FBXO31: variants seen among roughly 807,000 people sequenced by gnomAD.
FBXO31 encodes the protein F-box protein 31, also known as F-box only protein 31.
Under a neutral mutation model 54.4 loss-of-function variants are expected in FBXO31, and 24 were observed. The observed-to-expected ratio is 0.44, with a 90% CI of 0.32 to 0.62. The LOEUF is 0.62. Ranked by LOEUF, FBXO31 falls within the 20% of genes least tolerant of loss-of-function variation. FBXO31 has a pLI of 0.05. For synonymous variants in FBXO31, 388 were observed against 335.6 expected (o/e 1.16, Z -1.71); for missense variants, 665 against 787.1 (o/e 0.84, Z 1.86).
At chr16:87,376,978 G>C (rs1173684455) in intron 1 of FBXO31, among the ~76,000 whole-genome samples, 1 of 152,224 alleles carries the variant, frequency 6.6e-6, no homozygotes, top group Non-Finnish European at 1.5e-5. Context: ...TAAGACACCT[G>C]TAATACCACA....
At chr16:87,392,115 C>G (rs902392161), upstream of FBXO31, 2 of 286,874 alleles carry the variant, frequency 7.0e-6, no homozygotes, top group East Asian at 6.3e-5. Flanking sequence ...CGGTGCTGGG[C>G]GGGGCTGGGG....
Position 87,346,837 on chromosome 16 carries a change from G to A in FBXO31, c.489+337C>T, listed in dbSNP as rs896764818. ...CTGGAACATGGGGGGCAAAGACCAGGAACGGAAGGACCTGGCTGAGGGCGG... is the reference window on the plus strand; with the variant it reads ...CTGGAACATGGGGGGCAAAGACCAGAAACGGAAGGACCTGGCTGAGGGCGG... On this transcript the variant is annotated intron_variant, in intron 3 of 8. Transcript: ENST00000311635. The surrounding 1 kb of genome is among the most constrained non-coding windows in gnomAD (Gnocchi z 4.2). Among the ~76,000 whole-genome samples, 3 of 152,184 alleles carry A rather than the reference G, an allele frequency of 2.0e-5. No individual in the cohort carries two copies. Among genetic ancestry groups the A allele is most frequent in the African/African-American group, 7.2e-5 (3 of 41,452 alleles).
intron 5 of FBXO31, among the ~76,000 whole-genome samples, chr16:87,337,738 G>A (rs553323340): frequency 6.6e-6 from 1 of 151,784 alleles, no homozygotes; most frequent in Non-Finnish European, 1.5e-5. Flanking sequence ...CCACGACCCC[G>A]CCTTATGCCA....
chr16:87,379,653 T>C (rs1906986498), intron 1 of FBXO31, among the ~76,000 whole-genome samples: 1 of 152,098 alleles, frequency 6.6e-6, no homozygotes, highest in Non-Finnish European at 1.5e-5. Context: ...TGAGTACTCA[T>C]TTCATCCATC....
intron 2 of FBXO31, among the ~76,000 whole-genome samples, chr16:87,356,922 C>G (rs1905916576): frequency 6.6e-6 from 1 of 152,082 alleles, no homozygotes; most frequent in African/African-American, 2.4e-5. Flanking sequence ...TTCATTGTCT[C>G]CATCACCACT....
Position 87,346,509 on chromosome 16 carries a change from G to C in FBXO31, c.489+665C>G, listed in dbSNP as rs539600198. Among the ~76,000 whole-genome samples, 144 of 152,352 alleles carry C rather than the reference G, an allele frequency of 9.5e-4. 1 individual carries two copies. The highest frequency in any genetic ancestry group is 3.3e-3 in the African/African-American group (137 of 41,568). On this transcript the variant is annotated intron_variant, in intron 3 of 8. Coordinates refer to ENST00000311635, the MANE Select transcript of FBXO31 (RefSeq NM_024735.5). The surrounding 1 kb of genome is among the most constrained non-coding windows in gnomAD (Gnocchi z 4.2). The stretch of plus-strand genomic sequence containing the variant: ...ATGATCAAGTACCCAGGACTAGACA[G>C]GCACTGCCATGGCAGACCCAACGAA...
Position 87,380,165 on chromosome 16 carries a change from G to A in FBXO31, c.340+3240C>T, listed in dbSNP as rs868259529. On this transcript the variant is annotated intron_variant, in intron 1 of 8. Coordinates refer to ENST00000311635, the MANE Select transcript of FBXO31 (RefSeq NM_024735.5). Reference sequence around the variant, plus strand: ...ATACAAAAATTAGCCGGGCATAGTGGCGGGCGCCTGTAGTCCCAGCTACTT... The same window carrying A: ...ATACAAAAATTAGCCGGGCATAGTGACGGGCGCCTGTAGTCCCAGCTACTT... 2.8e-4 allele frequency among the ~76,000 whole-genome samples: 42 copies of A among 151,138 alleles called. 1 individual carries two copies. The Middle Eastern group carries it at 0.021, about 74-fold the overall frequency.
upstream of FBXO31, among the ~76,000 whole-genome samples, chr16:87,384,809 G>C (rs72806232): frequency 2.1e-3 from 316 of 152,258 alleles, 2 homozygotes; most frequent in Non-Finnish European, 3.8e-3. Context: ...GTAGTGACCC[G>C]TGATGGTGCC....
At position 87,327,021 on chromosome 16, in the gene FBXO31, G is replaced by A. The variant is rs3748395; in HGVS notation, c.*4267C>T. ...AAACGGATTTACTTGAAACTGTGAG[G>A]AGAAACAAGTGCACGGGTGCAGGTG... On this transcript the variant is annotated 3_prime_UTR_variant, in exon 9 of 9. Transcript: ENST00000311635. 0.15 allele frequency: 22,831 copies of A among 152,364 alleles called. 2,131 individuals are homozygous for A. The highest frequency in any genetic ancestry group is 0.35 in the South Asian group (1,708 of 4,838). 9.4% of individuals were successfully genotyped at this position (152,364 alleles called of 1,614,324 possible).
chr16:87,373,740 G>A (rs899006045), intron 1 of FBXO31, among the ~76,000 whole-genome samples: 2 of 152,050 alleles, frequency 1.3e-5, no homozygotes, highest in African/African-American at 2.4e-5. Flanking sequence ...ACTTCTTCCC[G>A]AGATGACCCC....
In FBXO31 at chr16:87,338,472, A is replaced by G. The variant is rs34400756; in HGVS notation, c.733-2208T>C. 0.39 allele frequency among the ~76,000 whole-genome samples: 58,647 copies of G among 148,644 alleles called. 12,185 individuals carry two copies. Among genetic ancestry groups the G allele is most frequent in the African/African-American group, 0.46 (18,344 of 39,990 alleles). On this transcript the variant is annotated intron_variant, in intron 5 of 8. Transcript: ENST00000311635. The surrounding 1 kb of genome is among the most constrained non-coding windows in gnomAD (Gnocchi z 4.3). Reference sequence around the variant, plus strand: ...AAAAGCCTCAGTCTTGGGGCGGGGGAGGCGGGCCTGAAACACACAGGGGTG... The same window carrying G: ...AAAAGCCTCAGTCTTGGGGCGGGGGGGGCGGGCCTGAAACACACAGGGGTG...
intron 1 of FBXO31, among the ~76,000 whole-genome samples, chr16:87,380,573 G>C (rs878900252): frequency 6.6e-6 from 1 of 152,108 alleles, no homozygotes; most frequent in Admixed American, 6.6e-5. Context: ...ATTTTTTGTA[G>C]AGATGGGTTT....
At chr16:87,351,292 G>C (rs1905644347) in intron 2 of FBXO31, among the ~76,000 whole-genome samples, 1 of 152,226 alleles carries the variant, frequency 6.6e-6, no homozygotes, top group Non-Finnish European at 1.5e-5. Flanking sequence ...ACACGTACGA[G>C]TGTGAGCGTG....
intron 1 of FBXO31, among the ~76,000 whole-genome samples, chr16:87,364,797 G>A (rs1461484377): frequency 2.0e-5 from 3 of 151,282 alleles, no homozygotes; most frequent in Admixed American, 6.6e-5. Context: ...CAGGGCAGGC[G>A]GATTACCTGA....
intron 2 of FBXO31, among the ~76,000 whole-genome samples, chr16:87,357,703 G>A (rs1905957871): frequency 6.6e-6 from 1 of 152,170 alleles, no homozygotes; most frequent in African/African-American, 2.4e-5. Context: ...CCAGAACTCT[G>A]GGAGGCCGAG....
chr16:87,370,088 G>A (rs1324389010), intron 1 of FBXO31, among the ~76,000 whole-genome samples: 2 of 152,158 alleles, frequency 1.3e-5, no homozygotes, highest in African/African-American at 4.8e-5. Flanking sequence ...GGCCTGAATG[G>A]GGCCTGCATC....
intron 8 of FBXO31, among the ~76,000 whole-genome samples, chr16:87,333,308 C>CCACTGGCCACCAAGG (rs1904927174): frequency 6.6e-6 from 1 of 152,236 alleles, no homozygotes. Flanking sequence ...GGTGTCCACT[C>CCACTGGCCACCAAGG]CACTGGCCAC....
chr16:87,360,306 A>T lies in FBXO31; in HGVS notation c.401T>A (p.Val134Asp). The T allele has an allele frequency of 6.2e-7, 1 of 1,614,180 alleles. No individual in the cohort carries two copies. The highest frequency in any genetic ancestry group is 1.1e-5 in the South Asian group (1 of 91,086). ...ATAGATTCACTCACGCTTCGCATAG[A>T]CGTCCCGACAAGACACGCCTGTGAT... ...LEITGVSCRD[V>D]YAKLLHRYRH... The change falls in exon 2 of 9, where the codon GTC becomes GAC. Residue 134 changes from valine (V) to aspartate (D), a missense_variant. Around this residue, in one of 4 missense-constraint regions of FBXO31, gnomAD observed 234 missense variants for 346.8 expected, o/e 0.67. Transcript: ENST00000311635.
intron 2 of FBXO31, 51 bp from the exon 3 acceptor site, chr16:87,347,301 A>T: frequency 6.6e-7 from 1 of 1,524,454 alleles, no homozygotes; most frequent in Non-Finnish European, 9.1e-7. Context: ...AGCGTGCCGC[A>T]GGGAGCCCAG....
Sources: allele counts gnomAD v4.1 joint callset (sites outside exome capture counted in the v4.1 genomes callset), GRCh38; gene constraint gnomAD v4.1.1; regional missense constraint gnomAD v4.1.1; non-coding constraint Gnocchi (gnomAD v3.1); transcripts MANE v1.5; gene names NCBI Gene and HGNC (gene_info 2026-07-23, HGNC 2026-07-21).